The following TUBGCP3 variants were observed in gnomAD, a reference collection of about 807,000 sequenced individuals.
TUBGCP3 encodes the protein tubulin gamma complex component 3, also known as gamma-tubulin complex component 3.
Under a neutral mutation model 123.1 loss-of-function variants are expected in TUBGCP3, and 50 were observed. That is an observed-to-expected ratio of 0.41 (90% confidence interval 0.32 to 0.51). The LOEUF is 0.51. TUBGCP3 is among the 20% of genes least tolerant of loss of function. TUBGCP3 has a pLI of 0.36. For missense variants in TUBGCP3, 882 were observed against 1,127.0 expected (o/e 0.78, Z 3.11); for synonymous variants, 405 against 413.9 (o/e 0.98, Z 0.26).
At chr13:112,558,109 TG>T in intron 5 of TUBGCP3, 86 bp downstream of exon 5, 1 of 1,422,520 alleles carries the variant, frequency 7.0e-7, no homozygotes, top group Non-Finnish European at 9.5e-7. Flanking sequence ...ACTGATACTG[TG>T]GGTGAACATC....
chr13:112,592,573 G>A (rs1882900646), upstream of TUBGCP3, among the ~76,000 whole-genome samples: 1 of 152,248 alleles, frequency 6.6e-6, no homozygotes, highest in African/African-American at 2.4e-5. This position sits in a 1 kb window ranked among gnomAD's most constrained non-coding sequence, Gnocchi z 4.1. Flanking sequence ...CCATTCTATG[G>A]CCCTGGAGTC....
At chr13:112,532,822 G>A (rs113603612) in intron 11 of TUBGCP3, among the ~76,000 whole-genome samples, 2,181 of 152,284 alleles carry the variant, frequency 0.014, 52 homozygotes, top group African/African-American at 0.049. Context: ...AAATATACAA[G>A]ATATAAATAA....
chr13:112,567,527 G>A (rs573387012), intron 2 of TUBGCP3, among the ~76,000 whole-genome samples: 2 of 152,254 alleles, frequency 1.3e-5, no homozygotes, highest in Non-Finnish European at 1.5e-5. Context: ...TTCTTATGTT[G>A]TTATATAGAC....
chr13:112,515,998 TAA>T (rs1473905529), intron 17 of TUBGCP3, among the ~76,000 whole-genome samples: 1 of 152,366 alleles, frequency 6.6e-6, no homozygotes, highest in Non-Finnish European at 1.5e-5. Flanking sequence ...CAATTTTATA[TAA>T]AGACTTCAAA....
At chr13:112,498,796 G>A (rs776534072) in intron 20 of TUBGCP3, 1 of 1,550,244 alleles carries the variant, frequency 6.5e-7, no homozygotes, top group Non-Finnish European at 8.7e-7. Flanking sequence ...AAACGGGCAG[G>A]AGATTTGTAA....
intron 7 of TUBGCP3, 125 bp downstream of exon 7, chr13:112,554,762 C>T: frequency 1.5e-6 from 1 of 646,834 alleles, no homozygotes; most frequent in Non-Finnish European, 2.6e-6. Context: ...TTCCACAGTG[C>T]AATTTCACCT....
intron 4 of TUBGCP3, among the ~76,000 whole-genome samples, chr13:112,559,027 T>G (rs1219469032): frequency 6.6e-6 from 1 of 152,226 alleles, no homozygotes; most frequent in Non-Finnish European, 1.5e-5. Context: ...GAATTACCTA[T>G]CAGTGCTGAT....
At chr13:112,560,048 C>A (rs1880370144) in intron 3 of TUBGCP3, among the ~76,000 whole-genome samples, 1 of 150,452 alleles carries the variant, frequency 6.6e-6, no homozygotes, top group Non-Finnish European at 1.5e-5. Flanking sequence ...ACACGAGAAT[C>A]ACTTGAACCT....
intron 8 of TUBGCP3, among the ~76,000 whole-genome samples, chr13:112,553,616 T>A (rs1337982991): frequency 6.6e-6 from 1 of 152,148 alleles, no homozygotes; most frequent in Non-Finnish European, 1.5e-5. Flanking sequence ...AGGATTCCCA[T>A]CTCCAGCTTC....
chr13:112,568,126 T>C (rs905709086), intron 2 of TUBGCP3, among the ~76,000 whole-genome samples: 4 of 150,896 alleles, frequency 2.7e-5, no homozygotes, highest in African/African-American at 7.3e-5. Context: ...TTCTGGAAGG[T>C]GTTATCACTA....
At chr13:112,532,969 C>T (rs1877709535) in intron 11 of TUBGCP3, among the ~76,000 whole-genome samples, 1 of 152,212 alleles carries the variant, frequency 6.6e-6, no homozygotes, top group African/African-American at 2.4e-5. Flanking sequence ...CATAGCAAAG[C>T]CCAGATGTCA....
At chr13:112,550,646 A>G (rs1879483196) in intron 8 of TUBGCP3, among the ~76,000 whole-genome samples, 3 of 152,244 alleles carry the variant, frequency 2.0e-5, no homozygotes, top group Admixed American at 2.0e-4. Context: ...TGTGGGCACA[A>G]AGGTGCTTAC....
chr13:112,495,240 C>A (rs947197704), intron 20 of TUBGCP3, among the ~76,000 whole-genome samples: 1 of 152,150 alleles, frequency 6.6e-6, no homozygotes, highest in South Asian at 2.1e-4. Context: ...GATTTTTGTA[C>A]ATGGCAAGAG....
intron 17 of TUBGCP3, among the ~76,000 whole-genome samples, chr13:112,510,013 T>G (rs76827443): frequency 0.016 from 2,444 of 152,264 alleles, 76 homozygotes; most frequent in African/African-American, 0.055. Flanking sequence ...TATATAATTA[T>G]AAGAATCCCA....
At chr13:112,577,238 C>T (rs1881893611) in intron 1 of TUBGCP3, among the ~76,000 whole-genome samples, 2 of 152,154 alleles carry the variant, frequency 1.3e-5, no homozygotes, top group South Asian at 4.1e-4. Flanking sequence ...AAAAGAGTCA[C>T]TCACAGCAGA....
intron 11 of TUBGCP3, among the ~76,000 whole-genome samples, chr13:112,536,561 T>C (rs1878071349): frequency 6.6e-6 from 1 of 152,224 alleles, no homozygotes; most frequent in Non-Finnish European, 1.5e-5. Context: ...ATATTTTAAA[T>C]GGAGTTATTT....
At chr13:112,504,243 T>C in intron 18 of TUBGCP3, 80 bp from the exon 19 acceptor site, 1 of 1,558,322 alleles carries the variant, frequency 6.4e-7, no homozygotes, top group African/African-American at 1.4e-5. Flanking sequence ...ATATACCACC[T>C]ATGGGAGGCC....
At chr13:112,548,749 T>C (rs559402170) in intron 8 of TUBGCP3, among the ~76,000 whole-genome samples, 1 of 152,332 alleles carries the variant, frequency 6.6e-6, no homozygotes, top group African/African-American at 2.4e-5. Context: ...TCATCATCAC[T>C]GGCCATCAGA....
At chr13:112,571,604 C>T (rs573300013) in intron 1 of TUBGCP3, among the ~76,000 whole-genome samples, 3 of 152,196 alleles carry the variant, frequency 2.0e-5, no homozygotes, top group East Asian at 3.9e-4. Flanking sequence ...AGACAAGAGT[C>T]GGCTTATTCT....
Sources: gnomAD v4.1 joint callset for allele counts (sites outside exome capture counted in the v4.1 genomes callset) on GRCh38, gnomAD v4.1.1 for gene constraint, Gnocchi (gnomAD v3.1) non-coding constraint, MANE v1.5 for transcripts, NCBI Gene and HGNC (gene_info 2026-07-23, HGNC 2026-07-21) for gene names.